The following ACOX3 variants were observed in gnomAD, a reference collection of about 807,000 sequenced individuals.
ACOX3 encodes peroxisomal acyl-coenzyme A oxidase 3.
In ACOX3, 73 loss-of-function variants were observed where a neutral mutation model predicts 81.5. The observed-to-expected ratio is 0.90, with a 90% confidence interval of 0.74 to 1.09. The LOEUF (loss-of-function observed/expected upper bound fraction) is 1.09, where lower values mean the gene tolerates loss of function less well. ACOX3 is among the 50% of genes least tolerant of loss of function. The probability of loss-of-function intolerance (pLI) is 0.00; values close to 1 mark genes in which losing one functional copy is unlikely to be tolerated. For missense variants in ACOX3, 947 were observed against 928.0 expected, an observed-to-expected ratio of 1.02 and a Z score of -0.27; for synonymous variants, 387 against 375.1, an observed-to-expected ratio of 1.03 and a Z score of -0.37.
intron 1 of ACOX3, among the ~76,000 whole-genome samples, chr4:8,440,231 T>C (rs1184421819): frequency 6.6e-6 from 1 of 152,258 alleles, no homozygotes; most frequent in Non-Finnish European, 1.5e-5. Context: ...AGCTCAGCTC[T>C]TAAGACGCAA....
intron 17 of ACOX3, among the ~76,000 whole-genome samples, chr4:8,369,049 C>T (rs1162237593): frequency 1.3e-5 from 2 of 152,138 alleles, no homozygotes; most frequent in Non-Finnish European, 2.9e-5. Flanking sequence ...ACTATGGAAC[C>T]CAGAGCCAGG....
chr4:8,381,139 A>G lies in ACOX3; in HGVS notation c.1653+353T>C, dbSNP rs185374318. ...GAAAACCAAGCAGGGCGCTGGCATC[A>G]CTCCCACGAGTCAGGAGGGAGTGCT... On this transcript the variant is annotated intron_variant, in intron 14 of 17. Transcript: ENST00000356406. The surrounding 1 kb of genome is among the most constrained non-coding windows in gnomAD (Gnocchi z 4.3). Among the ~76,000 whole-genome samples, 894 of 151,986 alleles carry G rather than the reference A, an allele frequency of 5.9e-3. 3 individuals carry two copies. The highest frequency in any genetic ancestry group is 8.2e-3 in the Non-Finnish European group (555 of 67,968).
intron 13 of ACOX3, among the ~76,000 whole-genome samples, chr4:8,387,969 G>T (rs958494200): frequency 6.6e-6 from 1 of 152,186 alleles, no homozygotes; most frequent in African/African-American, 2.4e-5. Context: ...TTCCCATGAG[G>T]AACATTTTTA....
At chr4:8,412,066 T>G (rs765075932) in intron 5 of ACOX3, among the ~76,000 whole-genome samples, 2 of 152,204 alleles carry the variant, frequency 1.3e-5, no homozygotes, top group Non-Finnish European at 2.9e-5. Context: ...GTTGTCCATC[T>G]GCCTGTCAGA....
intron 14 of ACOX3, among the ~76,000 whole-genome samples, chr4:8,379,645 C>T (rs1004959990): frequency 7.2e-5 from 11 of 152,240 alleles, no homozygotes; most frequent in African/African-American, 2.6e-4. Context: ...CAGCATAGAT[C>T]GGGGCTGGAA....
At position 8,405,524 on chromosome 4, in the gene ACOX3, C is replaced by T. The variant is rs929808677; in HGVS notation, c.776+431G>A. ...TAAGTGCTGTGACACTGGGATTACC[C>T]GGAAAGGAGCAAGCCTACTCTGGAG... On this transcript the variant is annotated intron_variant, in intron 7 of 17. Coordinates refer to ENST00000356406, the MANE Select transcript of ACOX3 (RefSeq NM_003501.3). This position sits in a 1 kb window ranked among gnomAD's most constrained non-coding sequence, Gnocchi z 7.1. 2.6e-5 allele frequency among the ~76,000 whole-genome samples: 4 copies of T among 152,236 alleles called. No homozygotes were observed. The highest frequency in any genetic ancestry group is 6.5e-5 in the Admixed American group (1 of 15,288).
At chr4:8,367,806 C>CAAAAAAAAAAAA (rs535574857) in intron 17 of ACOX3, among the ~76,000 whole-genome samples, 5 of 46,710 alleles carry the variant, frequency 1.1e-4, no homozygotes, top group Non-Finnish European at 1.7e-4. Context: ...CCCATCTTTA[C>CAAAAAAAAAAAA]AAAAAAAAAA....
intron 7 of ACOX3, among the ~76,000 whole-genome samples, chr4:8,403,337 C>T (rs1231929524): frequency 6.6e-6 from 1 of 152,228 alleles, no homozygotes; most frequent in African/African-American, 2.4e-5. Context: ...ACACTGGTAT[C>T]ACTGCGCCCC....
Position 8,386,114 on chromosome 4 carries a change from C to G in ACOX3, c.1537+3059G>C, listed in dbSNP as rs969002119. 6.6e-6 allele frequency among the ~76,000 whole-genome samples: 1 copy of G among 152,070 alleles called. No homozygotes were observed. The highest frequency in any genetic ancestry group is 2.4e-5 in the African/African-American group (1 of 41,418). ...AGGGGAAGGGGAGGGAAGAGCAGAG[C>G]GTGATGGGCACATGGAGAAGCTGGC... On this transcript the variant is annotated intron_variant, in intron 13 of 17. Coordinates refer to ENST00000356406, the MANE Select transcript of ACOX3 (RefSeq NM_003501.3). The surrounding 1 kb of genome is among the most constrained non-coding windows in gnomAD (Gnocchi z 5.2).
At chr4:8,425,863 C>T (rs563131792) in intron 1 of ACOX3, among the ~76,000 whole-genome samples, 3 of 152,156 alleles carry the variant, frequency 2.0e-5, no homozygotes, top group East Asian at 1.9e-4. Flanking sequence ...AGTAACCCAG[C>T]GAGTATCGCA....
chr4:8,360,846 G>A, the ACOX3 span, among the ~76,000 whole-genome samples: 2 of 152,136 alleles, frequency 1.3e-5, no homozygotes, highest in African/African-American at 4.8e-5. Flanking sequence ...TGTGGAGTTA[G>A]CCACGCCCCT....
chr4:8,380,049 C>T (rs1180733735), intron 14 of ACOX3, among the ~76,000 whole-genome samples: 1 of 152,194 alleles, frequency 6.6e-6, no homozygotes, highest in Admixed American at 6.5e-5. Context: ...CTGTGTATCA[C>T]CCAAGGTGGG....
the ACOX3 span, among the ~76,000 whole-genome samples, chr4:8,360,461 T>G: frequency 7.2e-6 from 1 of 139,082 alleles, no homozygotes; most frequent in South Asian, 2.4e-4. Flanking sequence ...GGTCATAAAC[T>G]GCTTCTTTGA....
rs1266430587 is a variant in ACOX3, at chr4:8,423,827, T to C, written c.-14-7292A>G. On this transcript the variant is annotated intron_variant, in intron 1 of 17. Coordinates refer to ENST00000356406, the MANE Select transcript of ACOX3 (RefSeq NM_003501.3). This position sits in a 1 kb window ranked among gnomAD's most constrained non-coding sequence, Gnocchi z 4.2. ...ATGTCTCAACACACCTGGACTGTTT[T>C]ACCCCAAGGGTTCATGGACAGCCCC... Among the ~76,000 whole-genome samples the C allele has an allele frequency of 6.6e-6, 1 of 152,248 alleles. No individual in the cohort carries two copies. The highest frequency in any genetic ancestry group is 1.5e-5 in the Non-Finnish European group (1 of 68,044).
At chr4:8,421,163 G>A (rs181248581) in intron 1 of ACOX3, among the ~76,000 whole-genome samples, 132 of 152,332 alleles carry the variant, frequency 8.7e-4, no homozygotes, top group Non-Finnish European at 1.0e-3. Flanking sequence ...CCAAAGCGGT[G>A]AGTAATATTG....
chr4:8,408,856 G>C (rs1236072378), intron 6 of ACOX3, among the ~76,000 whole-genome samples: 4 of 138,312 alleles, frequency 2.9e-5, no homozygotes, highest in Admixed American at 8.1e-5. Context: ...GGCATCCAAA[G>C]GGTTGGGGAG....
Position 8,382,573 on chromosome 4 carries a change from C to T in ACOX3, c.1538-966G>A, listed in dbSNP as rs998011840. 5.9e-5 allele frequency among the ~76,000 whole-genome samples: 9 copies of T among 152,220 alleles called. No individual in the cohort carries two copies. The highest frequency in any genetic ancestry group is 8.8e-5 in the Non-Finnish European group (6 of 68,038). On this transcript the variant is annotated intron_variant, in intron 13 of 17. Coordinates refer to ENST00000356406, the MANE Select transcript of ACOX3 (RefSeq NM_003501.3). This position sits in a 1 kb window ranked among gnomAD's most constrained non-coding sequence, Gnocchi z 4.1. Reference sequence around the variant, plus strand: ...CTGCAGGGGCCTTCTGCCTGGCAGCCGGTCTTGCTCAGAGATCCCAGGCAG... The same window carrying T: ...CTGCAGGGGCCTTCTGCCTGGCAGCTGGTCTTGCTCAGAGATCCCAGGCAG...
intron 1 of ACOX3, among the ~76,000 whole-genome samples, chr4:8,439,691 A>G (rs539595816): frequency 8.1e-4 from 124 of 152,358 alleles, no homozygotes; most frequent in Non-Finnish European, 1.4e-3. Context: ...CTAGGTCTTT[A>G]TTTAAAAGAT....
rs955254924 is a variant in ACOX3, at chr4:8,389,425, C to T, written c.1424-139G>A. On this transcript the variant is annotated intron_variant, in intron 12 of 17. Coordinates refer to ENST00000356406, the MANE Select transcript of ACOX3 (RefSeq NM_003501.3). This position sits in a 1 kb window ranked among gnomAD's most constrained non-coding sequence, Gnocchi z 5.3. ...GACCCACAGGCGAGGGTCTGGGTCT[C>T]AAGGACCCTCCCCACCCCAGCCTTT... 7.9e-7 allele frequency: 1 copy of T among 1,268,600 alleles called. No homozygotes were observed. The highest frequency in any genetic ancestry group is 2.5e-5 in the East Asian group (1 of 39,900). 78.6% of individuals were successfully genotyped at this position (1,268,600 alleles called of 1,614,324 possible). A position where few individuals can be genotyped will look rare whatever the true frequency, so the allele number is the denominator to read the frequency against.
Sources: gnomAD v4.1 joint callset for allele counts (sites outside exome capture counted in the v4.1 genomes callset) on GRCh38, gnomAD v4.1.1 for gene constraint, Gnocchi (gnomAD v3.1) non-coding constraint, MANE v1.5 for transcripts, NCBI Gene and HGNC (gene_info 2026-07-23, HGNC 2026-07-21) for gene names.